ARHGAP15: variants seen among roughly 807,000 people sequenced by gnomAD.
ARHGAP15 encodes the protein Rho GTPase activating protein 15.
A neutral mutation model predicts 63.7 loss-of-function variants in ARHGAP15; 51 were observed. The observed-to-expected ratio is 0.80, with a 90% CI of 0.64 to 1.01. ARHGAP15 has a LOEUF of 1.01. Ranked by LOEUF, ARHGAP15 falls within the 50% of genes least tolerant of loss-of-function variation. The pLI, the probability that ARHGAP15 is intolerant of heterozygous loss-of-function variation, is 0.00. For missense variants in ARHGAP15, 560 were observed against 564.6 expected (o/e 0.99, Z 0.08); for synonymous variants, 191 against 193.8 (o/e 0.99, Z 0.12).
intron 2 of ARHGAP15, among the ~76,000 whole-genome samples, chr2:143,160,573 A>G (rs1690251623): frequency 6.6e-6 from 1 of 152,012 alleles, no homozygotes; most frequent in South Asian, 2.1e-4. Flanking sequence ...TCTATACAAT[A>G]TTAAAATAAT....
intron 8 of ARHGAP15, among the ~76,000 whole-genome samples, chr2:143,483,901 C>T (rs1174268151): frequency 6.6e-6 from 1 of 152,136 alleles, no homozygotes; most frequent in Non-Finnish European, 1.5e-5. Context: ...CTTACATTTC[C>T]ATTTGACTCC....
At chr2:143,707,198 G>A (rs1445836838) in intron 13 of ARHGAP15, among the ~76,000 whole-genome samples, 1 of 152,156 alleles carries the variant, frequency 6.6e-6, no homozygotes, top group African/African-American at 2.4e-5. Flanking sequence ...GAGGTCCCAG[G>A]GGAGTTGCAA....
rs529035592 is a variant in ARHGAP15, at chr2:143,277,468, A to G, written c.474+26868A>G. ...AATGTCTGCCTGGGTATTTGGACAG[A>G]TAGAACTTTTACTTTTACATCTTAA... On this transcript the variant is annotated intron_variant, in intron 6 of 13. Transcript: ENST00000295095. Among the ~76,000 whole-genome samples the G allele has an allele frequency of 9.9e-5, 15 of 151,986 alleles. 1 individual carries two copies. In the South Asian group the frequency reaches 1.9e-3, roughly 19 times the overall value.
chr2:143,499,232 T>C (rs1392973211), intron 9 of ARHGAP15, among the ~76,000 whole-genome samples: 1 of 152,232 alleles, frequency 6.6e-6, no homozygotes, highest in Non-Finnish European at 1.5e-5. Context: ...GTTTGATGTA[T>C]GGTTTACCAG....
chr2:143,733,368 C>T (rs1022296060), intron 13 of ARHGAP15, among the ~76,000 whole-genome samples: 1 of 151,962 alleles, frequency 6.6e-6, no homozygotes, highest in African/African-American at 2.4e-5. Flanking sequence ...AAATCAGATC[C>T]CTGAAGAGTC....
intron 10 of ARHGAP15, among the ~76,000 whole-genome samples, chr2:143,544,285 G>A (rs1695231361): frequency 6.6e-6 from 1 of 152,060 alleles, no homozygotes; most frequent in Admixed American, 6.6e-5. Flanking sequence ...AGCTAAATTA[G>A]AGATACAAAA....
At chr2:143,407,985 GTGTATATATATATATATATATATATA>G (rs1688274576) in intron 6 of ARHGAP15, among the ~76,000 whole-genome samples, 1 of 82,346 alleles carries the variant, frequency 1.2e-5, no homozygotes, top group African/African-American at 4.1e-5. Flanking sequence ...ACTTCTGTGT[GTGTATATATATATATATATATATATA>G]TATATATATA....
intron 11 of ARHGAP15, 131 bp from the exon 12 acceptor site, chr2:143,624,002 G>A (rs1698742211): frequency 1.9e-6 from 2 of 1,077,312 alleles, no homozygotes; most frequent in Non-Finnish European, 2.6e-6. Context: ...AAAATGCACA[G>A]CACCAAACCT....
chr2:143,377,540 G>A (rs1686871390), intron 6 of ARHGAP15, among the ~76,000 whole-genome samples: 1 of 151,758 alleles, frequency 6.6e-6, no homozygotes, highest in Non-Finnish European at 1.5e-5. Flanking sequence ...ATTGGGATCT[G>A]AAGCTAGTTT....
chr2:143,467,242 C>CT (rs202115707), intron 8 of ARHGAP15, among the ~76,000 whole-genome samples: 15,630 of 57,860 alleles, frequency 0.27, 2,027 homozygotes, highest in Admixed American at 0.33. Flanking sequence ...ACTCCATGGC[C>CT]TTTTTTTTTT....
chr2:143,477,461 C>T (rs933119333), intron 8 of ARHGAP15, among the ~76,000 whole-genome samples: 10 of 151,952 alleles, frequency 6.6e-5, no homozygotes, highest in Non-Finnish European at 1.2e-4. Flanking sequence ...ATAATTGCTT[C>T]TGTTAACTAC....
chr2:143,328,786 T>C (rs1684374712), intron 6 of ARHGAP15, among the ~76,000 whole-genome samples: 1 of 152,304 alleles, frequency 6.6e-6, no homozygotes, highest in Middle Eastern at 3.4e-3. Context: ...CAGCTGACTA[T>C]AGTCAACAAT....
At chr2:143,592,154 C>A (rs981829719) in intron 11 of ARHGAP15, among the ~76,000 whole-genome samples, 1 of 152,014 alleles carries the variant, frequency 6.6e-6, no homozygotes, top group African/African-American at 2.4e-5. Context: ...TGTTTATAAA[C>A]AATTCATTTT....
At chr2:143,662,170 G>C (rs1278362405) in intron 12 of ARHGAP15, among the ~76,000 whole-genome samples, 1 of 152,220 alleles carries the variant, frequency 6.6e-6, no homozygotes, top group Non-Finnish European at 1.5e-5. Context: ...ATGCCTGTCT[G>C]ACAGCTTTGA....
intron 6 of ARHGAP15, among the ~76,000 whole-genome samples, chr2:143,282,461 C>A (rs1342145463): frequency 6.6e-6 from 1 of 152,070 alleles, no homozygotes; most frequent in Non-Finnish European, 1.5e-5. Flanking sequence ...TGGGTGGTGG[C>A]AGGCAAAGAG....
chr2:143,190,329 T>A (rs1691631013), intron 2 of ARHGAP15, among the ~76,000 whole-genome samples: 1 of 152,218 alleles, frequency 6.6e-6, no homozygotes, highest in African/African-American at 2.4e-5. Context: ...ATTATGAAGC[T>A]GACTTTTCAT....
At chr2:143,717,760 G>A (rs920398024) in intron 13 of ARHGAP15, among the ~76,000 whole-genome samples, 2 of 152,102 alleles carry the variant, frequency 1.3e-5, no homozygotes, top group African/African-American at 4.8e-5. Flanking sequence ...AGCATCACGG[G>A]GCTGGGAAAG....
At chr2:143,373,412 C>T (rs1267102786) in intron 6 of ARHGAP15, among the ~76,000 whole-genome samples, 2 of 151,942 alleles carry the variant, frequency 1.3e-5, no homozygotes, top group Non-Finnish European at 2.9e-5. Context: ...AGGTGGATCA[C>T]GAGGTCAGGA....
chr2:143,756,994 C>T (rs1228437984), intron 13 of ARHGAP15, among the ~76,000 whole-genome samples: 1 of 151,978 alleles, frequency 6.6e-6, no homozygotes, highest in South Asian at 2.1e-4. Flanking sequence ...ACATTTATAT[C>T]ACAGAGTAAT....
Sources: gnomAD v4.1 joint callset for allele counts (sites outside exome capture counted in the v4.1 genomes callset) on GRCh38, gnomAD v4.1.1 for gene constraint, MANE v1.5 for transcripts, NCBI Gene and HGNC (gene_info 2026-07-23, HGNC 2026-07-21) for gene names.